The following PIK3C2G variants were observed in gnomAD, a reference collection of about 807,000 sequenced individuals.
PIK3C2G encodes phosphatidylinositol-4-phosphate 3-kinase catalytic subunit type 2 gamma.
A neutral mutation model predicts 181.1 loss-of-function variants in PIK3C2G; 168 were observed. The observed-to-expected ratio is 0.93, with a 90% CI of 0.82 to 1.05. The LOEUF (loss-of-function observed/expected upper bound fraction) is 1.05, where lower values mean the gene tolerates loss of function less well. Ranked by LOEUF, PIK3C2G falls within the 50% of genes least tolerant of loss-of-function variation. The pLI, the probability that PIK3C2G is intolerant of heterozygous loss-of-function variation, is 0.00. For missense variants in PIK3C2G, 1,869 were observed against 1,732.8 expected, an observed-to-expected ratio of 1.08 and a Z score of -1.40; for synonymous variants, 573 against 592.2, an observed-to-expected ratio of 0.97 and a Z score of 0.47.
chr12:18,479,833 G>T (rs990803199), intron 18 of PIK3C2G, among the ~76,000 whole-genome samples: 1 of 152,176 alleles, frequency 6.6e-6, no homozygotes, highest in Non-Finnish European at 1.5e-5. Context: ...GTCATAGGTC[G>T]TTGGCCAAAT....
intron 1 of PIK3C2G, among the ~76,000 whole-genome samples, chr12:18,272,258 A>C (rs1284097473): frequency 1.3e-5 from 2 of 152,016 alleles, no homozygotes; most frequent in Admixed American, 1.3e-4. Flanking sequence ...TTTCCACCTG[A>C]TTTAGTTTAA....
At chr12:18,356,883 G>A (rs188072326) in intron 11 of PIK3C2G, among the ~76,000 whole-genome samples, 2 of 113,936 alleles carry the variant, frequency 1.8e-5, no homozygotes, top group East Asian at 3.2e-4. Context: ...ATGGGGCGGG[G>A]GGTGGGCCAA....
chr12:18,411,099 C>G (rs1944844773), intron 16 of PIK3C2G, among the ~76,000 whole-genome samples: 1 of 152,160 alleles, frequency 6.6e-6, no homozygotes, highest in East Asian at 1.9e-4. Context: ...GGGTCAATGT[C>G]CCAGTCCAGT....
the PIK3C2G span, among the ~76,000 whole-genome samples, chr12:18,683,849 C>T: frequency 6.6e-6 from 1 of 152,054 alleles, no homozygotes; most frequent in African/African-American, 2.4e-5. Context: ...GTAGTCATGA[C>T]TACTCTTTAC....
chr12:18,432,742 G>A (rs748436829), intron 18 of PIK3C2G, among the ~76,000 whole-genome samples: 4 of 152,096 alleles, frequency 2.6e-5, no homozygotes, highest in Non-Finnish European at 5.9e-5. Context: ...AAGCCAAATG[G>A]GACTTGAAGG....
chr12:18,514,405 T>C lies in PIK3C2G; in HGVS notation c.3323+8944T>C, dbSNP rs534881904. Among the ~76,000 whole-genome samples, 4 of 152,016 alleles carry C rather than the reference T, an allele frequency of 2.6e-5. No individual in the cohort carries two copies. In the South Asian group the frequency reaches 6.2e-4, roughly 24 times the overall value. On this transcript the variant is annotated intron_variant, in intron 24 of 32. Coordinates refer to ENST00000538779, the MANE Select transcript of PIK3C2G (RefSeq NM_001288772.2). The stretch of plus-strand genomic sequence containing the variant: ...ATCCCTGAACACAGGGTCTTTCTAT[T>C]GTTTTCTTTGAATTCTTTCTTTAAT...
the PIK3C2G span, chr12:18,696,336 A>ATATATATATATATATATC: frequency 1.9e-5 from 5 of 258,834 alleles, no homozygotes; most frequent in African/African-American, 1.4e-4. Context: ...ATATATATAT[A>ATATATATATATATATATC]TATATATATA....
intron 11 of PIK3C2G, among the ~76,000 whole-genome samples, chr12:18,354,287 T>A (rs988655278): frequency 6.6e-6 from 1 of 152,168 alleles, no homozygotes; most frequent in Non-Finnish European, 1.5e-5. Context: ...TCAACAGGCA[T>A]CTGTTGGAGG....
chr12:18,598,086 G>C (rs376059998), intron 30 of PIK3C2G, among the ~76,000 whole-genome samples: 59 of 152,036 alleles, frequency 3.9e-4, no homozygotes, highest in Admixed American at 6.6e-4. Context: ...AGGTAATTTA[G>C]AGATTCAATG....
At chr12:18,665,254 AG>A in the PIK3C2G span, among the ~76,000 whole-genome samples, 1 of 152,100 alleles carries the variant, frequency 6.6e-6, no homozygotes, top group Non-Finnish European at 1.5e-5. Flanking sequence ...TATTGTTTAA[AG>A]GGTATATAGA....
chr12:18,446,071 T>C (rs902751830), intron 18 of PIK3C2G, among the ~76,000 whole-genome samples: 1 of 152,192 alleles, frequency 6.6e-6, no homozygotes, highest in Admixed American at 6.5e-5. Flanking sequence ...GAAAACCCTA[T>C]AATTAGCCAT....
Position 18,349,334 on chromosome 12 carries a change from A to T in PIK3C2G, c.1625+2498A>T, listed in dbSNP as rs4444134. 6.9e-3 allele frequency among the ~76,000 whole-genome samples: 1,047 copies of T among 152,282 alleles called. 35 individuals carry two copies. The East Asian group carries it at 0.1, about 15-fold the overall frequency. ...ACTGAGGGGGTAAAATAACAAAGTG[A>T]CAACTTTCTAGATGGCTTTAGTCAA... On this transcript the variant is annotated intron_variant, in intron 11 of 32. Transcript: ENST00000538779.
chr12:18,476,864 C>G (rs1458770527), intron 18 of PIK3C2G, among the ~76,000 whole-genome samples: 1 of 150,544 alleles, frequency 6.6e-6, no homozygotes, highest in East Asian at 1.9e-4. Flanking sequence ...TGAACATGGT[C>G]TGGATTGAAA....
the PIK3C2G span, chr12:18,683,328 C>G: frequency 6.2e-7 from 1 of 1,611,854 alleles, no homozygotes; most frequent in Admixed American, 1.7e-5. Context: ...CGATAACCTG[C>G]AAAAGGAATT....
chr12:18,461,335 A>G (rs952845088), intron 18 of PIK3C2G, among the ~76,000 whole-genome samples: 1 of 152,226 alleles, frequency 6.6e-6, no homozygotes, highest in Non-Finnish European at 1.5e-5. Context: ...CATTCAAACA[A>G]AAGTTGGACA....
At chr12:18,677,921 T>C in the PIK3C2G span, among the ~76,000 whole-genome samples, 2 of 152,132 alleles carry the variant, frequency 1.3e-5, no homozygotes, top group African/African-American at 2.4e-5. Context: ...TCATGTGTGC[T>C]TGTGTATGTG....
intron 24 of PIK3C2G, among the ~76,000 whole-genome samples, chr12:18,526,581 C>T (rs1322001467): frequency 6.6e-6 from 1 of 152,082 alleles, no homozygotes; most frequent in Non-Finnish European, 1.5e-5. Context: ...TTATTAAGAA[C>T]GTGCTATATT....
chr12:18,344,341 C>CAATT (rs1457439402), intron 10 of PIK3C2G, among the ~76,000 whole-genome samples: 1 of 151,996 alleles, frequency 6.6e-6, no homozygotes, highest in Non-Finnish European at 1.5e-5. Flanking sequence ...AGAAGACACT[C>CAATT]AATTAAGTTT....
At chr12:18,543,659 CT>C (rs1944281282) in intron 25 of PIK3C2G, among the ~76,000 whole-genome samples, 1 of 151,858 alleles carries the variant, frequency 6.6e-6, no homozygotes, top group African/African-American at 2.4e-5. Flanking sequence ...CCTTTCCACA[CT>C]GCTTGTTTTT....
Sources: allele counts gnomAD v4.1 joint callset (sites outside exome capture counted in the v4.1 genomes callset), GRCh38; gene constraint gnomAD v4.1.1; transcripts MANE v1.5; gene names NCBI Gene and HGNC (gene_info 2026-07-23, HGNC 2026-07-21).